The following TAS1R1 variants were observed in gnomAD, a reference collection of about 807,000 sequenced individuals.
TAS1R1 encodes taste 1 receptor member 1, also known as taste receptor type 1 member 1.
Under a neutral mutation model 45.8 loss-of-function variants are expected in TAS1R1, and 31 were observed. That is an observed-to-expected ratio of 0.68 (90% CI 0.51 to 0.91). TAS1R1 has a LOEUF of 0.91. Ranked by LOEUF, TAS1R1 falls within the 40% of genes least tolerant of loss-of-function variation. The pLI, the probability that TAS1R1 is intolerant of heterozygous loss-of-function variation, is 0.00. For missense variants in TAS1R1, 1,051 were observed against 1,063.9 expected (o/e 0.99, Z 0.17); for synonymous variants, 437 against 448.4 (o/e 0.97, Z 0.32).
chr1:6,577,041 G>T lies in TAS1R1; in HGVS notation c.1565G>T (p.Cys522Phe). 1 of 1,614,212 alleles carries T rather than the reference G, an allele frequency of 6.2e-7. No homozygotes were observed. Among genetic ancestry groups the T allele is most frequent in the Non-Finnish European group, 8.5e-7 (1 of 1,180,024 alleles). ...FHHCCFECVP[C>F]GAGTFLNKSD... ...CACTGCTGCTTTGAGTGTGTGCCCT[G>T]TGGGGCTGGGACCTTCCTCAACAAG... The change falls in exon 5 of 6, where the codon TGT becomes TTT. Residue 522 changes from cysteine (C) to phenylalanine (F), a missense_variant. Physicochemically the swap from Cys to Phe is radical, Grantham distance 205. Transcript: ENST00000333172.
At position 6,578,660 on chromosome 1, in the gene TAS1R1, C is replaced by T; in HGVS notation, c.1602C>T (p.Tyr534=). ...AGTFLNKSDL[Y]RCQPCGKEEW... is the part of the protein sequence containing the mutation. ...CTTGGCCTTCCCTTTCAGACCTCTACAGATGCCAGCCTTGTGGGAAAGAAG... is the reference window on the plus strand; with the variant it reads ...CTTGGCCTTCCCTTTCAGACCTCTATAGATGCCAGCCTTGTGGGAAAGAAG... Residue 534 remains tyrosine (Y), a synonymous_variant, in exon 6 of 6, where the codon TAC becomes TAT. Transcript: ENST00000333172. The T allele has an allele frequency of 6.3e-7, 1 of 1,576,366 alleles. No individual in the cohort carries two copies. The highest frequency in any genetic ancestry group is 8.6e-7 in the Non-Finnish European group (1 of 1,158,270).
chr1:6,568,465 A>G (rs939033456), intron 1 of TAS1R1, among the ~76,000 whole-genome samples: 3 of 151,692 alleles, frequency 2.0e-5, no homozygotes, highest in Admixed American at 6.6e-5. Flanking sequence ...AAAAAAGAAA[A>G]AAAAAAAAAA....
At chr1:6,572,448 T>G (rs1640043564) in intron 2 of TAS1R1, among the ~76,000 whole-genome samples, 1 of 151,936 alleles carries the variant, frequency 6.6e-6, no homozygotes, top group Non-Finnish European at 1.5e-5. Context: ...TTTGTAGAGA[T>G]AGAGGTCTCA....
chr1:6,570,546 C>T lies in TAS1R1; in HGVS notation c.192-363C>T, dbSNP rs115045332. ...ACTGAAGAGCATAGTAACATCAATT[C>T]TTTATAGAATGTCCAGCCTGCTGGC... On this transcript the variant is annotated intron_variant, in intron 1 of 5. Coordinates refer to ENST00000333172, the MANE Select transcript of TAS1R1 (RefSeq NM_138697.4). 3.4e-3 allele frequency among the ~76,000 whole-genome samples: 514 copies of T among 151,798 alleles called. 6 individuals carry two copies. The East Asian group carries it at 0.037, about 11-fold the overall frequency.
intron 1 of TAS1R1, among the ~76,000 whole-genome samples, chr1:6,570,464 C>T (rs1639981631): frequency 6.7e-6 from 1 of 150,012 alleles, no homozygotes; most frequent in South Asian, 2.1e-4. Context: ...AAAAAAAAGC[C>T]TGAAGTTTCT....
Position 6,579,698 on chromosome 1 carries a change from T to G in TAS1R1, c.*114T>G. 7.1e-7 allele frequency: 1 copy of G among 1,418,026 alleles called. No individual in the cohort carries two copies. Among genetic ancestry groups the G allele is most frequent in the East Asian group, 2.4e-5 (1 of 41,430 alleles). 87.8% of individuals were successfully genotyped at this position (1,418,026 alleles called of 1,614,324 possible). A position where few individuals can be genotyped will look rare whatever the true frequency, so the allele number is the denominator to read the frequency against. On this transcript the variant is annotated 3_prime_UTR_variant, in exon 6 of 6. Coordinates refer to ENST00000333172, the MANE Select transcript of TAS1R1 (RefSeq NM_138697.4). ...CATCGCGGTCTGGGGTTGGGACGTG[T>G]AAGCGCCTGGGAGAGCCTAGACCAG...
chr1:6,571,030 G>A lies in TAS1R1; in HGVS notation c.313G>A (p.Val105Met). 6.2e-7 allele frequency: 1 copy of A among 1,614,170 alleles called. No individual in the cohort carries two copies. The highest frequency in any genetic ancestry group is 8.5e-7 in the Non-Finnish European group (1 of 1,180,034). Residue 105 changes from valine to methionine, a missense_variant, in exon 2 of 6, where the codon GTG (valine) becomes ATG (methionine). Coordinates refer to ENST00000333172, the MANE Select transcript of TAS1R1 (RefSeq NM_138697.4). ...CACCCTGGGGTACCAGCTGTATGATGTGTGTTCTGACTCTGCCAATGTGTA... is the reference window on the plus strand; with the variant it reads ...CACCCTGGGGTACCAGCTGTATGATATGTGTTCTGACTCTGCCAATGTGTA... ...NITLGYQLYD[V>M]CSDSANVYAT... is the part of the protein sequence containing the mutation.
At chr1:6,578,325 C>T (rs1277630877) in intron 5 of TAS1R1, among the ~76,000 whole-genome samples, 1 of 152,150 alleles carries the variant, frequency 6.6e-6, no homozygotes, top group African/African-American at 2.4e-5. Context: ...CAATGCCCTC[C>T]CTTGGGAGCA....
chr1:6,576,873 A>T (rs1640193850), intron 4 of TAS1R1, 77 bp from the exon 5 acceptor site: 4 of 1,605,936 alleles, frequency 2.5e-6, no homozygotes, highest in Non-Finnish European at 3.4e-6. Context: ...AGATGCACAG[A>T]GATTCTGTTT....
At chr1:6,568,463 A>G (rs528513951) in intron 1 of TAS1R1, among the ~76,000 whole-genome samples, 33 of 147,698 alleles carry the variant, frequency 2.2e-4, no homozygotes, top group African/African-American at 8.1e-4. Flanking sequence ...TCAAAAAAGA[A>G]AAAAAAAAAA....
chr1:6,562,028 TGAAAG>T (rs954925918), intron 1 of TAS1R1, among the ~76,000 whole-genome samples: 1 of 152,146 alleles, frequency 6.6e-6, no homozygotes, highest in African/African-American at 2.4e-5. Context: ...ATGTGGGGGT[TGAAAG>T]GAAGCACTGT....
chr1:6,577,786 C>T (rs1162468734), intron 5 of TAS1R1, among the ~76,000 whole-genome samples: 1 of 152,076 alleles, frequency 6.6e-6, no homozygotes, highest in Non-Finnish European at 1.5e-5. Flanking sequence ...CAAGATTGCA[C>T]CATTGCACTC....
In TAS1R1 at chr1:6,574,759, C is replaced by G. The variant is rs79902724; in HGVS notation, c.627C>G (p.Thr209=). Residue 209 remains threonine, a synonymous_variant, in exon 3 of 6, where the codon ACC becomes ACG. Coordinates refer to ENST00000333172, the MANE Select transcript of TAS1R1 (RefSeq NM_138697.4). The surrounding 1 kb of genome is among the most constrained non-coding windows in gnomAD (Gnocchi z 4.3). ...MVLLLQKFGW[T]WISLVGSSDD... ...TGCTGCTGCAGAAGTTCGGGTGGAC[C>G]TGGATCTCTCTGGTTGGCAGCAGTG... The G allele has an allele frequency of 3.1e-6, 5 of 1,614,266 alleles. No homozygotes were observed. In the African/African-American group the frequency reaches 5.3e-5, roughly 17 times the overall value.
intron 2 of TAS1R1, among the ~76,000 whole-genome samples, chr1:6,571,551 C>T (rs536411835): frequency 1.1e-4 from 16 of 152,336 alleles, no homozygotes; most frequent in South Asian, 1.0e-3. Flanking sequence ...ACATCCTGGA[C>T]GGGCGCTGTG....
chr1:6,568,575 T>G (rs780318207), intron 1 of TAS1R1, among the ~76,000 whole-genome samples: 32 of 152,320 alleles, frequency 2.1e-4, no homozygotes, highest in Non-Finnish European at 3.8e-4. Flanking sequence ...TTCGTCTGCC[T>G]TTTGGGAAGT....
chr1:6,579,218 C>T lies in TAS1R1; in HGVS notation c.2160C>T (p.Cys720=). Residue 720 remains cysteine (C), a synonymous_variant, in exon 6 of 6, where the codon TGC becomes TGT. Transcript: ENST00000333172. ...QRFPHLVMLE[C]TETNSLGFIL... Reference sequence around the variant, plus strand: ...TCCCCCATCTGGTGATGCTTGAGTGCACAGAGACCAACTCCCTGGGCTTCA... The same window carrying T: ...TCCCCCATCTGGTGATGCTTGAGTGTACAGAGACCAACTCCCTGGGCTTCA... 1 of 1,614,208 alleles carries T rather than the reference C, an allele frequency of 6.2e-7. No homozygotes were observed.
intron 1 of TAS1R1, among the ~76,000 whole-genome samples, chr1:6,568,426 G>A (rs1389946029): frequency 1.3e-5 from 2 of 150,674 alleles, no homozygotes; most frequent in African/African-American, 4.9e-5. Context: ...CTGCACTCCA[G>A]CCTGGGCAAG....
chr1:6,578,239 G>A lies in TAS1R1; in HGVS notation c.1595-414G>A, dbSNP rs1300144512. Reference sequence around the variant, plus strand: ...AATACTTCCCTTCTGTCCTCAGAGGGTCAGGACTCAGAGAAACCACAGAGC... The same window carrying A: ...AATACTTCCCTTCTGTCCTCAGAGGATCAGGACTCAGAGAAACCACAGAGC... On this transcript the variant is annotated intron_variant, in intron 5 of 5. Coordinates refer to ENST00000333172, the MANE Select transcript of TAS1R1 (RefSeq NM_138697.4). Among the ~76,000 whole-genome samples the A allele has an allele frequency of 2.6e-5, 4 of 152,184 alleles. No individual in the cohort carries two copies. In the East Asian group the frequency reaches 7.7e-4, roughly 29 times the overall value.
rs142563940 is a variant in TAS1R1, at chr1:6,557,338, C to CAG, written c.191+1774_191+1775insAG. Among the ~76,000 whole-genome samples the CAG allele has an allele frequency of 8.8e-3, 1,343 of 152,148 alleles. 15 individuals are homozygous for CAG. Among genetic ancestry groups the CAG allele is most frequent in the African/African-American group, 0.029 (1,224 of 41,502 alleles). ...GGCACGAACCCTCCGTTGAGAGACT[C>CAG]GGGACAGAAGTGGTAGAAACCATGG... On this transcript the variant is annotated intron_variant, in intron 1 of 5. Coordinates refer to ENST00000333172, the MANE Select transcript of TAS1R1 (RefSeq NM_138697.4).
Sources: allele counts gnomAD v4.1 joint callset (sites outside exome capture counted in the v4.1 genomes callset), GRCh38; gene constraint gnomAD v4.1.1; non-coding constraint Gnocchi (gnomAD v3.1); transcripts MANE v1.5; gene names NCBI Gene and HGNC (gene_info 2026-07-23, HGNC 2026-07-21).